The following CDK14 variants were observed in gnomAD, a reference collection of about 807,000 sequenced individuals.
CDK14 encodes cyclin dependent kinase 14, also known as cyclin-dependent kinase 14.
Under a neutral mutation model 60.7 loss-of-function variants are expected in CDK14, and 34 were observed. That is an observed-to-expected ratio of 0.56 (90% CI 0.43 to 0.75). CDK14 has a LOEUF of 0.75. CDK14 is among the 30% of genes least tolerant of loss of function. The probability of loss-of-function intolerance (pLI) is 0.00; values close to 1 mark genes in which losing one functional copy is unlikely to be tolerated. For synonymous variants in CDK14, 197 were observed against 203.7 expected (o/e 0.97, Z 0.28); for missense variants, 482 against 564.1 (o/e 0.85, Z 1.47).
chr7:91,030,741 C>T (rs1422290337), intron 10 of CDK14, among the ~76,000 whole-genome samples: 3 of 152,154 alleles, frequency 2.0e-5, no homozygotes, highest in African/African-American at 4.8e-5. Context: ...ACTTTTTGAC[C>T]ATCCCTCACT....
At chr7:90,637,231 TG>T (rs1243631939) in intron 2 of CDK14, among the ~76,000 whole-genome samples, 1 of 150,948 alleles carries the variant, frequency 6.6e-6, no homozygotes, top group African/African-American at 2.4e-5. Context: ...GATGTTAGGG[TG>T]TCAATTTTGG....
rs569721051 is a variant in CDK14 at position 90,843,952 on chromosome 7, A to G, written c.545-19223A>G. On this transcript the variant is annotated intron_variant, in intron 5 of 14. Coordinates refer to ENST00000380050, the MANE Select transcript of CDK14 (RefSeq NM_001287135.2). ...TATATAGCATCTTTAAATTTTTACT[A>G]GGGAAAAGGTAAGCATTTTCACCCT... is the stretch of plus-strand genomic sequence containing the variant. Among the ~76,000 whole-genome samples the G allele has an allele frequency of 7.2e-5, 11 of 152,276 alleles. No homozygotes were observed. In the East Asian group the frequency reaches 1.7e-3, roughly 24 times the overall value.
intron 2 of CDK14, among the ~76,000 whole-genome samples, chr7:90,621,655 T>TTCCTGCCTTCCTGCCTTCCTG (rs1554421119): frequency 2.9e-4 from 32 of 111,690 alleles, no homozygotes; most frequent in Admixed American, 1.2e-3. Flanking sequence ...CTTCCTTCCT[T>TTCCTGCCTTCCTGCCTTCCTG]CCTTCCTTCC....
At chr7:90,807,117 T>C (rs1584910795) in intron 5 of CDK14, among the ~76,000 whole-genome samples, 2 of 151,910 alleles carry the variant, frequency 1.3e-5, no homozygotes, top group African/African-American at 2.4e-5. Flanking sequence ...TTGAAGAGAG[T>C]AGTGGTTCTC....
chr7:91,185,782 G>A (rs1802158133), intron 14 of CDK14, among the ~76,000 whole-genome samples: 1 of 151,874 alleles, frequency 6.6e-6, no homozygotes, highest in Non-Finnish European at 1.5e-5. Context: ...GTTTAAAGCA[G>A]TTCGGGGGTT....
intron 2 of CDK14, among the ~76,000 whole-genome samples, chr7:90,705,466 C>T (rs1051440892): frequency 6.6e-4 from 100 of 151,924 alleles, no homozygotes; most frequent in African/African-American, 2.4e-3. Context: ...GAAGATCAGT[C>T]ATCTGGCAGC....
chr7:90,924,703 A>T (rs570821264), intron 8 of CDK14, among the ~76,000 whole-genome samples: 3 of 150,142 alleles, frequency 2.0e-5, no homozygotes, highest in Non-Finnish European at 3.0e-5. Flanking sequence ...CTGGTTAGAC[A>T]TTTTTTTTTT....
intron 14 of CDK14, among the ~76,000 whole-genome samples, chr7:91,180,821 A>G (rs1368607288): frequency 6.6e-6 from 1 of 152,252 alleles, no homozygotes; most frequent in Admixed American, 6.5e-5. Flanking sequence ...AGGGGCAGAC[A>G]TAGTGCTTTT....
At chr7:90,985,475 G>A (rs802401) in intron 10 of CDK14, among the ~76,000 whole-genome samples, 111,129 of 152,090 alleles carry the variant, frequency 0.73, 40,722 homozygotes, top group East Asian at 0.77. Context: ...TTTTATGCCA[G>A]ATATTCAGTA....
chr7:90,641,907 T>G (rs142883481), intron 2 of CDK14, among the ~76,000 whole-genome samples: 15 of 152,138 alleles, frequency 9.9e-5, no homozygotes, highest in Non-Finnish European at 2.1e-4. Context: ...GAAAGGCACA[T>G]CTCACATGGT....
intron 1 of CDK14, among the ~76,000 whole-genome samples, chr7:90,602,557 A>G (rs550407538): frequency 6.6e-6 from 1 of 152,244 alleles, no homozygotes; most frequent in Non-Finnish European, 1.5e-5. Context: ...CTTGTAGCCT[A>G]GAAGTTAAAT....
At chr7:90,654,786 A>G (rs1018650596) in intron 2 of CDK14, among the ~76,000 whole-genome samples, 3 of 152,196 alleles carry the variant, frequency 2.0e-5, no homozygotes, top group Non-Finnish European at 4.4e-5. Flanking sequence ...TTTTGCGTGA[A>G]TATGGTACAT....
chr7:90,890,614 G>A (rs1792088607), intron 6 of CDK14, among the ~76,000 whole-genome samples: 1 of 152,172 alleles, frequency 6.6e-6, no homozygotes, highest in African/African-American at 2.4e-5. Flanking sequence ...GATAAGTACT[G>A]TAAAGCATAA....
At chr7:91,185,679 T>G (rs1802154499) in intron 14 of CDK14, among the ~76,000 whole-genome samples, 1 of 151,944 alleles carries the variant, frequency 6.6e-6, no homozygotes, top group African/African-American at 2.4e-5. Context: ...GTTGAGATAT[T>G]ACCACATCCT....
At chr7:91,163,196 C>T (rs1204879470) in intron 14 of CDK14, among the ~76,000 whole-genome samples, 1 of 152,214 alleles carries the variant, frequency 6.6e-6, no homozygotes. Context: ...GATCTTCTTG[C>T]TGGATCATAG....
intron 8 of CDK14, among the ~76,000 whole-genome samples, chr7:90,934,149 G>A (rs117817996): frequency 0.016 from 2,441 of 152,360 alleles, 22 homozygotes; most frequent in Non-Finnish European, 0.022. Context: ...GCCTTGGGGC[G>A]TGAGAGCAGT....
Position 91,006,597 on chromosome 7 carries a change from T to G in CDK14, c.1041+22356T>G, listed in dbSNP as rs556117613. ...CTTTGTGATTTGTTGAATTAAAAAG[T>G]ACTCAGAATTCCACTAGATTTTGGA... On this transcript the variant is annotated intron_variant, in intron 10 of 14. Transcript: ENST00000380050. 1.4e-4 allele frequency among the ~76,000 whole-genome samples: 21 copies of G among 152,386 alleles called. No homozygotes were observed. In the South Asian group the frequency reaches 4.3e-3, roughly 32 times the overall value.
At chr7:90,854,639 G>A (rs1790760543) in intron 5 of CDK14, among the ~76,000 whole-genome samples, 1 of 151,424 alleles carries the variant, frequency 6.6e-6, no homozygotes, top group African/African-American at 2.4e-5. Context: ...GGGGCTTGGT[G>A]CGAAACCACT....
chr7:90,659,904 C>G (rs984512314), intron 2 of CDK14, among the ~76,000 whole-genome samples: 1 of 142,930 alleles, frequency 7.0e-6, no homozygotes, highest in Admixed American at 7.5e-5. Context: ...TGTGTGTGCA[C>G]GCACGTGCTC....
Sources: allele counts gnomAD v4.1 joint callset (sites outside exome capture counted in the v4.1 genomes callset), GRCh38; gene constraint gnomAD v4.1.1; transcripts MANE v1.5; gene names NCBI Gene and HGNC (gene_info 2026-07-23, HGNC 2026-07-21).